NXPH2: variants seen among roughly 807,000 people sequenced by gnomAD.
NXPH2 encodes neurexophilin-2.
Under a neutral mutation model 19.8 loss-of-function variants are expected in NXPH2, and 5 were observed. That is an observed-to-expected ratio of 0.25 (90% CI 0.13 to 0.53). The LOEUF is 0.53. NXPH2 is among the 20% of genes least tolerant of loss of function. NXPH2 has a pLI of 0.96. For synonymous variants in NXPH2, 154 were observed against 127.4 expected (o/e 1.21, Z -1.41); for missense variants, 289 against 322.8 (o/e 0.90, Z 0.80).
At chr2:138,706,746 T>G (rs1410111562) in intron 1 of NXPH2, among the ~76,000 whole-genome samples, 1 of 151,902 alleles carries the variant, frequency 6.6e-6, no homozygotes, top group Non-Finnish European at 1.5e-5. Context: ...ACTTCATTTT[T>G]TTTTTAAGTA....
At chr2:138,715,980 A>C (rs1192599270) in intron 1 of NXPH2, among the ~76,000 whole-genome samples, 1 of 152,134 alleles carries the variant, frequency 6.6e-6, no homozygotes, top group East Asian at 1.9e-4. Context: ...TAATTCTTAC[A>C]TATATTGGCA....
intron 1 of NXPH2, among the ~76,000 whole-genome samples, chr2:138,751,316 C>T (rs1573977732): frequency 6.6e-6 from 1 of 152,102 alleles, no homozygotes; most frequent in East Asian, 1.9e-4. Context: ...ATTTTAAGAA[C>T]AAGGTTAACT....
At chr2:138,749,976 C>T (rs567139529) in intron 1 of NXPH2, among the ~76,000 whole-genome samples, 1 of 152,188 alleles carries the variant, frequency 6.6e-6, no homozygotes, top group South Asian at 2.1e-4. Flanking sequence ...CCACAGGTGT[C>T]CAGTCTCAAA....
At chr2:138,704,156 C>T (rs1457311550) in intron 1 of NXPH2, among the ~76,000 whole-genome samples, 1 of 152,176 alleles carries the variant, frequency 6.6e-6, no homozygotes, top group African/African-American at 2.4e-5. Context: ...CTAGCCTTTT[C>T]CTATGTGCTT....
chr2:138,727,968 C>A (rs1179288739), intron 1 of NXPH2, among the ~76,000 whole-genome samples: 1 of 152,102 alleles, frequency 6.6e-6, no homozygotes, highest in Non-Finnish European at 1.5e-5. Context: ...AATCCTGGCT[C>A]CAGTATTTCC....
intron 1 of NXPH2, among the ~76,000 whole-genome samples, chr2:138,709,880 C>T (rs373183601): frequency 1.9e-4 from 29 of 152,196 alleles, no homozygotes; most frequent in Admixed American, 1.4e-3. Context: ...ATTCCATTGC[C>T]TGGATTTACC....
At chr2:138,766,276 A>G (rs999028772) in intron 1 of NXPH2, among the ~76,000 whole-genome samples, 10 of 152,180 alleles carry the variant, frequency 6.6e-5, no homozygotes, top group Non-Finnish European at 1.5e-4. Context: ...CCGCTTCCTA[A>G]CAGTTCAAAG....
chr2:138,686,288 C>T (rs1680650165), intron 1 of NXPH2, among the ~76,000 whole-genome samples: 1 of 152,126 alleles, frequency 6.6e-6, no homozygotes, highest in South Asian at 2.1e-4. Context: ...GCAACCTCTT[C>T]CCGTATCTGT....
intron 1 of NXPH2, among the ~76,000 whole-genome samples, chr2:138,707,051 A>T: frequency 7.1e-6 from 1 of 140,628 alleles, no homozygotes. Flanking sequence ...TTCTAGAAAG[A>T]TTTAGATTGA....
chr2:138,699,754 C>T (rs1037335790), intron 1 of NXPH2, among the ~76,000 whole-genome samples: 2 of 152,120 alleles, frequency 1.3e-5, no homozygotes, highest in South Asian at 4.2e-4. Flanking sequence ...CCTATTTGAT[C>T]CCAGCCAGCT....
intron 1 of NXPH2, among the ~76,000 whole-genome samples, chr2:138,765,849 T>C (rs551449816): frequency 6.6e-6 from 1 of 152,384 alleles, no homozygotes; most frequent in African/African-American, 2.4e-5. Context: ...AGTTCACGTT[T>C]TTATTAACCA....
chr2:138,759,566 AT>A (rs146083789), intron 1 of NXPH2, among the ~76,000 whole-genome samples: 30,954 of 147,526 alleles, frequency 0.21, 3,351 homozygotes, highest in Middle Eastern at 0.31. Context: ...CCTTATTCTA[AT>A]TTTTTTTTTT....
chr2:138,730,426 C>T (rs1681430092), intron 1 of NXPH2, among the ~76,000 whole-genome samples: 1 of 152,092 alleles, frequency 6.6e-6, no homozygotes, highest in South Asian at 2.1e-4. Flanking sequence ...GAGGTTAGGA[C>T]TTCAACATAT....
At chr2:138,760,234 C>T (rs1242188886) in intron 1 of NXPH2, among the ~76,000 whole-genome samples, 1 of 152,106 alleles carries the variant, frequency 6.6e-6, no homozygotes. Flanking sequence ...GATAAATAGG[C>T]TACCTCCCGC....
chr2:138,779,870 T>A (rs1480649727), intron 1 of NXPH2, among the ~76,000 whole-genome samples: 1 of 152,114 alleles, frequency 6.6e-6, no homozygotes, highest in Non-Finnish European at 1.5e-5. Flanking sequence ...ATCAATTTAC[T>A]TTCCTTCCTC....
chr2:138,750,614 T>C (rs1681815004), intron 1 of NXPH2, among the ~76,000 whole-genome samples: 1 of 152,166 alleles, frequency 6.6e-6, no homozygotes, highest in Non-Finnish European at 1.5e-5. Context: ...TATGCCTAGG[T>C]ATTAGAGACA....
chr2:138,747,517 T>A (rs1021733893), intron 1 of NXPH2, among the ~76,000 whole-genome samples: 1 of 152,192 alleles, frequency 6.6e-6, no homozygotes, highest in Non-Finnish European at 1.5e-5. Flanking sequence ...CCCATGGCTG[T>A]CAGACCCTCA....
At chr2:138,686,383 T>G (rs1680651856) in intron 1 of NXPH2, among the ~76,000 whole-genome samples, 1 of 152,126 alleles carries the variant, frequency 6.6e-6, no homozygotes, top group Admixed American at 6.5e-5. Flanking sequence ...TGTCTCTCTC[T>G]TGCCATCATT....
chr2:138,670,787 A>G lies in NXPH2; in HGVS notation c.*135T>C. 1.1e-6 allele frequency: 1 copy of G among 929,026 alleles called. No homozygotes were observed. 57.5% of individuals were successfully genotyped at this position (929,026 alleles called of 1,614,324 possible). ...AAGATGTCTCTTTTTCTTTTTTTAA[A>G]TTTGAAAACCTGATAGGGAACTATT... On this transcript the variant is annotated 3_prime_UTR_variant, in exon 2 of 2. Transcript: ENST00000272641.
Sources: allele counts gnomAD v4.1 joint callset (sites outside exome capture counted in the v4.1 genomes callset), GRCh38; gene constraint gnomAD v4.1.1; transcripts MANE v1.5; gene names NCBI Gene and HGNC (gene_info 2026-07-23, HGNC 2026-07-21).